The following TGFBI variants were observed in gnomAD, a reference collection of about 807,000 sequenced individuals.
TGFBI encodes the protein transforming growth factor beta induced.
Under a neutral mutation model 73.7 loss-of-function variants are expected in TGFBI, and 50 were observed. That is an observed-to-expected ratio of 0.68 (90% CI 0.54 to 0.86). The LOEUF (loss-of-function observed/expected upper bound fraction) is 0.86. TGFBI is among the 40% of genes least tolerant of loss of function. The pLI, the probability that TGFBI is intolerant of heterozygous loss-of-function variation, is 0.00. For missense variants in TGFBI, 839 were observed against 877.0 expected (o/e 0.96, Z 0.55); for synonymous variants, 362 against 360.5 (o/e 1.00, Z -0.05).
chr5:136,038,826 G>A (rs188642706), intron 2 of TGFBI, among the ~76,000 whole-genome samples: 35 of 152,274 alleles, frequency 2.3e-4, no homozygotes, highest in African/African-American at 8.2e-4. Context: ...AATGCAGGCA[G>A]CTTCTCAAAG....
rs1346902967 is a variant in TGFBI, at chr5:136,044,109, G to A, written c.285G>A (p.Lys95=). ...GATATGAAAAGGTCCCTGGGGAGAA[G>A]GGCTGTCCAGCAGGTGAATGAATCC... ...CPGYEKVPGE[K]GCPAALPLSN... Residue 95 remains lysine, a synonymous_variant, in exon 3 of 17, where the codon AAG becomes AAA. Transcript: ENST00000442011. 13 of 1,612,786 alleles carry A rather than the reference G, an allele frequency of 8.1e-6. No individual in the cohort carries two copies. The highest frequency in any genetic ancestry group is 1.3e-5 in the African/African-American group (1 of 74,894).
At position 136,029,063 on chromosome 5, in the gene TGFBI, T is replaced by C. The variant is rs1751057323; in HGVS notation, c.8T>C (p.Leu3Pro). 2 of 1,527,474 alleles carry C rather than the reference T, an allele frequency of 1.3e-6. No homozygotes were observed. The highest frequency in any genetic ancestry group is 2.8e-5 in the African/African-American group (2 of 71,304). The allele number at this position is 1,527,474 out of a possible 1,614,324, so 94.6% of individuals were successfully genotyped here. A position where few individuals can be genotyped will look rare whatever the true frequency, so the allele number is the denominator to read the frequency against. MA[L>P]FVRLLALALA... ...TGCGCGTCGTCCCGCTCCATGGCGCTCTTCGTGCGGCTGCTGGCTCTCGCC... is the reference window on the plus strand; with the variant it reads ...TGCGCGTCGTCCCGCTCCATGGCGCCCTTCGTGCGGCTGCTGGCTCTCGCC... The change falls in exon 1 of 17, where the codon CTC (leucine) becomes CCC (proline). Residue 3 changes from leucine to proline, a missense_variant. Physicochemically the swap from Leu to Pro is moderately conservative, Grantham distance 98. Transcript: ENST00000442011.
intron 14 of TGFBI, chr5:136,061,156 C>T (rs987679534): frequency 6.8e-6 from 4 of 586,182 alleles, no homozygotes; most frequent in Non-Finnish European, 1.2e-5. Context: ...CGGAGTTGCC[C>T]AGCTATATTA....
chr5:136,053,171 G>A, intron 8 of TGFBI, 52 bp downstream of exon 8: 2 of 1,557,526 alleles, frequency 1.3e-6, no homozygotes, highest in Non-Finnish European at 1.8e-6. Flanking sequence ...CATCTCTTCT[G>A]CCATCCTTTG....
At chr5:136,061,367 G>A in intron 14 of TGFBI, 133 bp from the exon 15 acceptor site, 1 of 707,560 alleles carries the variant, frequency 1.4e-6, no homozygotes, top group Non-Finnish European at 2.5e-6. Flanking sequence ...CATGAGTTAT[G>A]AAACATTATG....
chr5:136,040,507 T>C (rs1179460900), intron 2 of TGFBI, among the ~76,000 whole-genome samples: 2 of 152,348 alleles, frequency 1.3e-5, no homozygotes, highest in East Asian at 3.9e-4. Flanking sequence ...TAATGCCCGA[T>C]GGTCTGAGAT....
At chr5:136,038,358 A>G (rs759160598) in intron 2 of TGFBI, among the ~76,000 whole-genome samples, 7 of 152,186 alleles carry the variant, frequency 4.6e-5, no homozygotes, top group Admixed American at 1.3e-4. Context: ...TAAATTAAGG[A>G]TCATAAGAGG....
At chr5:136,058,935 G>A in intron 12 of TGFBI, 155 bp from the exon 13 acceptor site, 2 of 876,954 alleles carry the variant, frequency 2.3e-6, no homozygotes, top group Non-Finnish European at 3.4e-6. Flanking sequence ...TCACAACGTT[G>A]AGTATACAGT....
At chr5:136,040,220 A>C (rs539803450) in intron 2 of TGFBI, among the ~76,000 whole-genome samples, 1 of 152,360 alleles carries the variant, frequency 6.6e-6, no homozygotes, top group African/African-American at 2.4e-5. Flanking sequence ...AGACATCCCT[A>C]CACATAGACT....
At chr5:136,055,111 T>A in intron 10 of TGFBI, 1 of 469,872 alleles carries the variant, frequency 2.1e-6, no homozygotes, top group South Asian at 2.8e-5. Flanking sequence ...AATAAGTCCT[T>A]CTTGAATTCA....
chr5:136,047,987 G>T (rs969288797), intron 6 of TGFBI: 1 of 152,752 alleles, frequency 6.5e-6, no homozygotes. Flanking sequence ...GGAGGGGAAG[G>T]CATGTTCCTC....
rs776091970 is a variant in TGFBI, at chr5:136,041,442, C to T, written c.234-2616C>T. Among the ~76,000 whole-genome samples, 120 of 152,206 alleles carry T rather than the reference C, an allele frequency of 7.9e-4. 1 individual carries two copies. The highest frequency in any genetic ancestry group is 8.2e-4 in the Non-Finnish European group (56 of 68,030). ...GAGGAACAGTGAGTGCTGACAAGGG[C>T]TAGCCTTGATCACTTTGGAGACACC... On this transcript the variant is annotated intron_variant, in intron 2 of 16. Coordinates refer to ENST00000442011, the MANE Select transcript of TGFBI (RefSeq NM_000358.3).
chr5:136,063,084 A>G lies in TGFBI; in HGVS notation c.2012-102A>G, dbSNP rs575849531. On this transcript the variant is annotated intron_variant, in intron 16 of 16. Transcript: ENST00000442011. ...CCTGCTATGTGCAGGAGAGCATGGC[A>G]GAAGGAGGCTGCTTGGCCCTGGTCC... The G allele has an allele frequency of 4.9e-5, 51 of 1,048,168 alleles. No homozygotes were observed. In the East Asian group the frequency reaches 1.2e-3, roughly 24 times the overall value. 64.9% of individuals were successfully genotyped at this position (1,048,168 alleles called of 1,614,324 possible).
chr5:136,037,678 T>A (rs1214171792), intron 2 of TGFBI, among the ~76,000 whole-genome samples: 3 of 152,200 alleles, frequency 2.0e-5, no homozygotes, highest in African/African-American at 7.2e-5. Flanking sequence ...GAAGCCCTTC[T>A]CTGGAGCCAA....
At position 136,047,383 on chromosome 5, in the gene TGFBI, A is replaced by C; in HGVS notation, c.734A>C (p.Gln245Pro). Residue 245 changes from glutamine (Q) to proline (P), a missense_variant, in exon 6 of 17, where the codon CAG becomes CCG. Coordinates refer to ENST00000442011, the MANE Select transcript of TGFBI (RefSeq NM_000358.3). Reference protein sequence around the residue: ...VISTITNNIQQIIEIEDTFET... With the variant: ...VISTITNNIQPIIEIEDTFET... ...TCCACCATCACCAACAACATCCAGC[A>C]GATCATTGAGATCGAGGACACCTTT... 1 of 1,613,914 alleles carries C rather than the reference A, an allele frequency of 6.2e-7. No homozygotes were observed. The highest frequency in any genetic ancestry group is 8.5e-7 in the Non-Finnish European group (1 of 1,179,874).
Position 136,047,260 on chromosome 5 carries a change from G to C in TGFBI, c.625-14G>C, listed in dbSNP as rs756255698. The C allele has an allele frequency of 6.2e-7, 1 of 1,613,132 alleles. No homozygotes were observed. Among genetic ancestry groups the C allele is most frequent in the Admixed American group, 1.7e-5 (1 of 59,978 alleles). ...GTTGTGTTGACTGCTCATCCTTGCT[G>C]CTTCTCTGGGCAGATTGTAACTGTG... is the stretch of plus-strand genomic sequence containing the variant. On this transcript the variant is annotated splice_polypyrimidine_tract_variant and intron_variant, in intron 5 of 16. Coordinates refer to ENST00000442011, the MANE Select transcript of TGFBI (RefSeq NM_000358.3).
intron 12 of TGFBI, chr5:136,058,857 A>C: frequency 2.2e-6 from 1 of 445,868 alleles, no homozygotes; most frequent in East Asian, 3.9e-5. Flanking sequence ...AGGCCAACTG[A>C]CTGCTGGGGC....
chr5:136,046,670 C>A, intron 4 of TGFBI, 175 bp downstream of exon 4: 2 of 1,193,716 alleles, frequency 1.7e-6, no homozygotes, highest in Non-Finnish European at 2.3e-6. Context: ...TACCAGGTTG[C>A]GTCTAATGCC....
chr5:136,032,097 C>T (rs1345572587), intron 1 of TGFBI, among the ~76,000 whole-genome samples: 1 of 152,212 alleles, frequency 6.6e-6, no homozygotes, highest in Non-Finnish European at 1.5e-5. Flanking sequence ...AGCAAGGACT[C>T]TTCAGGGGTT....
Sources: allele counts gnomAD v4.1 joint callset (sites outside exome capture counted in the v4.1 genomes callset), GRCh38; gene constraint gnomAD v4.1.1; transcripts MANE v1.5; gene names NCBI Gene and HGNC (gene_info 2026-07-23, HGNC 2026-07-21).